CHCHD3: variants seen among roughly 807,000 people sequenced by gnomAD.
CHCHD3 encodes the protein MICOS complex subunit MIC19.
A neutral mutation model predicts 38.2 loss-of-function variants in CHCHD3; 20 were observed. That is an observed-to-expected ratio of 0.52 (90% CI 0.37 to 0.76). The LOEUF (loss-of-function observed/expected upper bound fraction) is 0.76, where lower values mean the gene tolerates loss of function less well. CHCHD3 is among the 30% of genes least tolerant of loss of function. CHCHD3 has a pLI of 0.00. For missense variants in CHCHD3, 245 were observed against 279.2 expected (o/e 0.88, Z 0.87); for synonymous variants, 82 against 100.0 (o/e 0.82, Z 1.07).
At chr7:132,858,337 A>G (rs975272684) in intron 5 of CHCHD3, among the ~76,000 whole-genome samples, 2 of 152,242 alleles carry the variant, frequency 1.3e-5, no homozygotes, top group African/African-American at 4.8e-5. Context: ...TGCTGGGATT[A>G]CAGGCATGAG....
intron 2 of CHCHD3, chr7:133,034,794 A>C (rs773111331): frequency 6.2e-7 from 1 of 1,612,920 alleles, no homozygotes; most frequent in Non-Finnish European, 8.5e-7. Context: ...GCCTCGGAAG[A>C]CCCAGACTCC....
chr7:132,985,848 C>T (rs1168107930), intron 3 of CHCHD3, among the ~76,000 whole-genome samples: 2 of 134,994 alleles, frequency 1.5e-5, no homozygotes. Flanking sequence ...GCCCGGCCGC[C>T]CCTACTGGGA....
chr7:132,997,439 CTG>C (rs1812448872), intron 3 of CHCHD3, among the ~76,000 whole-genome samples: 1 of 152,088 alleles, frequency 6.6e-6, no homozygotes, highest in Non-Finnish European at 1.5e-5. Context: ...AGCTATATTA[CTG>C]TCACTGTACC....
chr7:132,786,930 T>C (rs1323480160), intron 7 of CHCHD3, among the ~76,000 whole-genome samples: 1 of 152,192 alleles, frequency 6.6e-6, no homozygotes, highest in Non-Finnish European at 1.5e-5. Context: ...CTTCCAGAGA[T>C]GGTCACAGTT....
chr7:132,956,955 A>G (rs1458518443), intron 4 of CHCHD3, among the ~76,000 whole-genome samples: 1 of 152,146 alleles, frequency 6.6e-6, no homozygotes, highest in African/African-American at 2.4e-5. Context: ...ATCTACCCCA[A>G]ATGCCCTCTG....
chr7:132,920,375 TAAAC>T lies in CHCHD3; in HGVS notation c.370-34634_370-34631del, dbSNP rs376548290. On this transcript the variant is annotated intron_variant, in intron 4 of 7. Transcript: ENST00000262570. ...CTGCTCTAATAGAGAATATGGTGCT[TAAAC>T]AAACAAACAAAACTAGAAAACCTGG... Among the ~76,000 whole-genome samples the T allele has an allele frequency of 5.3e-5, 8 of 152,282 alleles. No homozygotes were observed. In the East Asian group the frequency reaches 9.6e-4, roughly 18 times the overall value.
chr7:132,974,836 T>C (rs1021423484), intron 4 of CHCHD3, among the ~76,000 whole-genome samples: 7 of 150,492 alleles, frequency 4.7e-5, no homozygotes, highest in African/African-American at 1.7e-4. Context: ...ATCGCACCAC[T>C]GCACTCTAGC....
At chr7:132,874,902 CA>C (rs1808857454) in intron 5 of CHCHD3, among the ~76,000 whole-genome samples, 1 of 152,130 alleles carries the variant, frequency 6.6e-6, no homozygotes, top group African/African-American at 2.4e-5. Context: ...GACCCTGAGG[CA>C]GCCTCTTCTC....
chr7:132,840,071 A>G (rs1396756809), intron 5 of CHCHD3, among the ~76,000 whole-genome samples: 1 of 152,226 alleles, frequency 6.6e-6, no homozygotes, highest in Non-Finnish European at 1.5e-5. Context: ...AATTGTCTAT[A>G]TGCCGAGAGG....
At chr7:133,013,103 T>A (rs1045083627) in intron 3 of CHCHD3, among the ~76,000 whole-genome samples, 1 of 144,788 alleles carries the variant, frequency 6.9e-6, no homozygotes, top group African/African-American at 2.6e-5. Context: ...GGAGAATCGC[T>A]TGAACCCAGG....
At chr7:132,922,274 G>A (rs1026379950) in intron 4 of CHCHD3, among the ~76,000 whole-genome samples, 1 of 152,062 alleles carries the variant, frequency 6.6e-6, no homozygotes, top group Non-Finnish European at 1.5e-5. Context: ...AAGGAAGAAG[G>A]GGGTTGACCA....
intron 3 of CHCHD3, among the ~76,000 whole-genome samples, chr7:133,023,419 T>C (rs1013294866): frequency 6.6e-6 from 1 of 152,228 alleles, no homozygotes; most frequent in Non-Finnish European, 1.5e-5. Flanking sequence ...GGTTAAATTA[T>C]ATGGTGAAGG....
At chr7:133,028,019 A>G (rs1488155712) in intron 2 of CHCHD3, among the ~76,000 whole-genome samples, 1 of 152,212 alleles carries the variant, frequency 6.6e-6, no homozygotes, top group Non-Finnish European at 1.5e-5. Context: ...AATGATTTTC[A>G]TACTTTCATC....
chr7:133,064,006 CTCTT>C, intron 2 of CHCHD3, among the ~76,000 whole-genome samples: 1 of 152,328 alleles, frequency 6.6e-6, no homozygotes, highest in East Asian at 1.9e-4. Flanking sequence ...GCTCCTGACA[CTCTT>C]TCTCTAAATT....
At chr7:133,004,021 A>G (rs775600999) in intron 3 of CHCHD3, among the ~76,000 whole-genome samples, 10 of 151,664 alleles carry the variant, frequency 6.6e-5, no homozygotes, top group Non-Finnish European at 8.8e-5. Flanking sequence ...ACAATGGCGC[A>G]ATCTCGGTTC....
chr7:132,903,479 G>C (rs1487585288), intron 4 of CHCHD3, among the ~76,000 whole-genome samples: 1 of 152,058 alleles, frequency 6.6e-6, no homozygotes, highest in Admixed American at 6.5e-5. Flanking sequence ...TTGCAGAAAA[G>C]TGACCTGCCT....
chr7:133,000,527 T>C (rs191339249), intron 3 of CHCHD3, among the ~76,000 whole-genome samples: 28 of 152,260 alleles, frequency 1.8e-4, no homozygotes, highest in Admixed American at 1.8e-3. Flanking sequence ...TTAATGATGG[T>C]TACCATTGGG....
intron 2 of CHCHD3, among the ~76,000 whole-genome samples, chr7:133,025,879 C>T (rs186266308): frequency 1.8e-3 from 276 of 152,250 alleles, no homozygotes; most frequent in Non-Finnish European, 3.1e-3. Flanking sequence ...TCGATAACCT[C>T]GACATTATAA....
chr7:132,850,519 C>T (rs1808194238), intron 5 of CHCHD3, among the ~76,000 whole-genome samples: 1 of 151,062 alleles, frequency 6.6e-6, no homozygotes, highest in Admixed American at 6.6e-5. Flanking sequence ...ACAGCCCTGC[C>T]ACTACACAAG....
Sources: gnomAD v4.1 joint callset for allele counts (sites outside exome capture counted in the v4.1 genomes callset) on GRCh38, gnomAD v4.1.1 for gene constraint, MANE v1.5 for transcripts, NCBI Gene and HGNC (gene_info 2026-07-23, HGNC 2026-07-21) for gene names.